Variants in SMARCAD1 observed in about 807,000 individuals in gnomAD.
SMARCAD1 encodes the protein SWI/SNF-related matrix-associated actin-dependent regulator of chromatin subfamily A containing DEAD/H box 1.
A neutral mutation model predicts 127.1 loss-of-function variants in SMARCAD1; 25 were observed. The observed-to-expected ratio is 0.20, with a 90% CI of 0.14 to 0.27. SMARCAD1 has a LOEUF of 0.27. Among genes scored for constraint, SMARCAD1 ranks in the 10% least tolerant of loss-of-function variants. The pLI is 1.00. For missense variants in SMARCAD1, 807 were observed against 1,206.0 expected (o/e 0.67, Z 4.90); for synonymous variants, 400 against 396.9 (o/e 1.01, Z -0.09).
At chr4:94,211,682 T>G (rs905869473) in intron 2 of SMARCAD1, among the ~76,000 whole-genome samples, 8 of 152,298 alleles carry the variant, frequency 5.3e-5, no homozygotes, top group African/African-American at 1.9e-4. Flanking sequence ...CCTCCTTCAG[T>G]TACTGTGCCA....
At chr4:94,253,633 A>G (rs138973406) in intron 9 of SMARCAD1, 127 of 1,034,874 alleles carry the variant, frequency 1.2e-4, no homozygotes, top group Middle Eastern at 4.9e-4. Context: ...CTGGAAGCCT[A>G]TAATTCAAGC....
intron 6 of SMARCAD1, among the ~76,000 whole-genome samples, chr4:94,245,934 CTAA>C (rs1748342517): frequency 6.6e-6 from 1 of 152,124 alleles, no homozygotes; most frequent in Admixed American, 6.5e-5. Flanking sequence ...TTAAAACTCT[CTAA>C]AACGATTTTC....
intron 3 of SMARCAD1, among the ~76,000 whole-genome samples, chr4:94,231,354 A>G (rs1745821661): frequency 6.6e-6 from 1 of 152,198 alleles, no homozygotes; most frequent in Non-Finnish European, 1.5e-5. Flanking sequence ...AAGGGCTAGA[A>G]TGCCTTAGCA....
chr4:94,271,227 TG>T, intron 11 of SMARCAD1, among the ~76,000 whole-genome samples: 1 of 152,194 alleles, frequency 6.6e-6, no homozygotes, highest in East Asian at 1.9e-4. Flanking sequence ...CCTTTAAAAT[TG>T]TAACTTAGAT....
At chr4:94,270,954 T>C (rs1579298953) in intron 11 of SMARCAD1, 136 bp downstream of exon 11, 8 of 711,658 alleles carry the variant, frequency 1.1e-5, no homozygotes, top group South Asian at 1.1e-4. Context: ...TTTTATCTCA[T>C]CTTTGTTTTT....
rs965187787 is a variant in SMARCAD1 at position 94,263,458 on chromosome 4, AGAG to A, written c.1282-1248_1282-1246del. ...TGAATTTTGTCCCTGTGAAAAATAT[AGAG>A]TAGTATGCAAATAAACTTAGTATTT... is the stretch of plus-strand genomic sequence containing the variant. On this transcript the variant is annotated intron_variant, in intron 9 of 23. Transcript: ENST00000354268. Among the ~76,000 whole-genome samples, 27 of 152,052 alleles carry A rather than the reference AGAG, an allele frequency of 1.8e-4. 1 individual carries two copies. The highest frequency in any genetic ancestry group is 5.9e-5 in the Non-Finnish European group (4 of 67,904).
intron 9 of SMARCAD1, among the ~76,000 whole-genome samples, chr4:94,259,090 T>G (rs548284006): frequency 4.6e-5 from 7 of 152,336 alleles, no homozygotes; most frequent in African/African-American, 1.7e-4. Context: ...GCCTCCCTTG[T>G]GATCGTTTGA....
chr4:94,270,502 C>A, intron 10 of SMARCAD1: 1 of 455,638 alleles, frequency 2.2e-6, no homozygotes, highest in Non-Finnish European at 4.0e-6. Context: ...TATGGAAATG[C>A]TTGATTCTTA....
At chr4:94,228,802 A>G (rs910684643) in intron 3 of SMARCAD1, among the ~76,000 whole-genome samples, 2 of 151,972 alleles carry the variant, frequency 1.3e-5, no homozygotes, top group African/African-American at 4.8e-5. Flanking sequence ...TTTACAGTGG[A>G]TTTAGTTTGT....
At chr4:94,234,251 A>G in intron 4 of SMARCAD1, 129 bp downstream of exon 4, 1 of 849,854 alleles carries the variant, frequency 1.2e-6, no homozygotes, top group South Asian at 1.7e-5. Flanking sequence ...ATTAAATCTA[A>G]AGGAAGTAAA....
intron 23 of SMARCAD1, among the ~76,000 whole-genome samples, chr4:94,288,099 A>G (rs371383357): frequency 6.6e-6 from 1 of 152,216 alleles, no homozygotes; most frequent in East Asian, 1.9e-4. Context: ...CTTTTTTCCC[A>G]TTGATCCATA....
At chr4:94,220,702 A>G (rs1420327611) in intron 2 of SMARCAD1, among the ~76,000 whole-genome samples, 2 of 152,250 alleles carry the variant, frequency 1.3e-5, no homozygotes, top group African/African-American at 2.4e-5. Context: ...TGCAAAAGCA[A>G]TCATAGGTAA....
At position 94,230,453 on chromosome 4, in the gene SMARCAD1, A is replaced by G. The variant is rs374236471; in HGVS notation, c.369-3501A>G. On this transcript the variant is annotated intron_variant, in intron 3 of 23. Transcript: ENST00000354268. Reference sequence around the variant, plus strand: ...GTACTACATTGTGTGAACATTCCTTATTTTATTCATTCATTCCCCATGTAT... The same window carrying G: ...GTACTACATTGTGTGAACATTCCTTGTTTTATTCATTCATTCCCCATGTAT... Among the ~76,000 whole-genome samples the G allele has an allele frequency of 7.2e-5, 11 of 152,060 alleles. No individual in the cohort carries two copies. The East Asian group carries it at 1.2e-3, about 16-fold the overall frequency.
In SMARCAD1 at chr4:94,290,560, T is replaced by C. The variant is rs1755552233; in HGVS notation, c.*1026T>C. On this transcript the variant is annotated 3_prime_UTR_variant, in exon 24 of 24. Coordinates refer to ENST00000354268, the MANE Select transcript of SMARCAD1 (RefSeq NM_020159.5). ...CTCTTATCAAAATATATTTTACCAG[T>C]TTCCAGAATTTCCAGTACAGGACCG... 2.2e-6 allele frequency: 1 copy of C among 454,366 alleles called. No individual in the cohort carries two copies. The highest frequency in any genetic ancestry group is 2.0e-5 in the African/African-American group (1 of 50,012). The allele number at this position is 454,366 out of a possible 1,614,324, so 28.1% of individuals were successfully genotyped here.
Position 94,291,254 on chromosome 4 carries a change from A to C in SMARCAD1, c.*1720A>C, listed in dbSNP as rs1185413912. 2 of 453,424 alleles carry C rather than the reference A, an allele frequency of 4.4e-6. No individual in the cohort carries two copies. The highest frequency in any genetic ancestry group is 8.8e-6 in the Non-Finnish European group (2 of 226,682). The allele number at this position is 453,424 out of a possible 1,614,324, so 28.1% of individuals were successfully genotyped here. On this transcript the variant is annotated 3_prime_UTR_variant, in exon 24 of 24. Transcript: ENST00000354268. ...AGTTGGGTTCTTCCTGTAATGCGCTATTATGTCTTGGGCTTAATAAAAATA... is the reference window on the plus strand; with the variant it reads ...AGTTGGGTTCTTCCTGTAATGCGCTCTTATGTCTTGGGCTTAATAAAAATA...
intron 6 of SMARCAD1, among the ~76,000 whole-genome samples, chr4:94,248,965 T>C (rs1212376014): frequency 6.6e-6 from 1 of 152,158 alleles, no homozygotes; most frequent in Non-Finnish European, 1.5e-5. Flanking sequence ...GCTTTTTGAT[T>C]GACTAAAATT....
At chr4:94,259,760 ATAT>A (rs1274434760) in intron 9 of SMARCAD1, among the ~76,000 whole-genome samples, 8 of 152,178 alleles carry the variant, frequency 5.3e-5, no homozygotes, top group South Asian at 4.1e-4. Flanking sequence ...TCCTTCCATC[ATAT>A]TATTTTGAAG....
At position 94,210,228 on chromosome 4, in the gene SMARCAD1, A is replaced by G. The variant is rs552041138; in HGVS notation, c.190+1644A>G. Among the ~76,000 whole-genome samples the G allele has an allele frequency of 2.2e-4, 33 of 152,358 alleles. 1 individual carries two copies. In the South Asian group the frequency reaches 6.8e-3, roughly 32 times the overall value. On this transcript the variant is annotated intron_variant, in intron 2 of 23. Coordinates refer to ENST00000354268, the MANE Select transcript of SMARCAD1 (RefSeq NM_020159.5). Reference sequence around the variant, plus strand: ...AAACTGAGATTGCTTTAGGAATTACATGATCAGCCTTGATGGCTTCGGGAA... The same window carrying G: ...AAACTGAGATTGCTTTAGGAATTACGTGATCAGCCTTGATGGCTTCGGGAA...
intron 6 of SMARCAD1, among the ~76,000 whole-genome samples, chr4:94,249,310 AT>A (rs1450654036): frequency 6.6e-6 from 1 of 152,068 alleles, no homozygotes; most frequent in African/African-American, 2.4e-5. Context: ...TCCTTTTAAA[AT>A]TTACCGTTGT....
Sources: allele counts gnomAD v4.1 joint callset (sites outside exome capture counted in the v4.1 genomes callset), GRCh38; gene constraint gnomAD v4.1.1; transcripts MANE v1.5; gene names NCBI Gene and HGNC (gene_info 2026-07-23, HGNC 2026-07-21).